The following SLK variants were observed in gnomAD, a reference collection of about 807,000 sequenced individuals.
SLK encodes STE20-like serine/threonine-protein kinase.
A neutral mutation model predicts 147.7 loss-of-function variants in SLK; 67 were observed. That is an observed-to-expected ratio of 0.45 (90% confidence interval 0.37 to 0.56). The LOEUF (loss-of-function observed/expected upper bound fraction) is 0.56. SLK is among the 20% of genes least tolerant of loss of function. The pLI, the probability that SLK is intolerant of heterozygous loss-of-function variation, is 0.00. For synonymous variants in SLK, 441 were observed against 475.0 expected (o/e 0.93, Z 0.93); for missense variants, 1,136 against 1,438.8 (o/e 0.79, Z 3.41).
chr10:104,002,053 T>C (rs1315602408), intron 8 of SLK, 119 bp from the exon 9 acceptor site: 2 of 808,504 alleles, frequency 2.5e-6, no homozygotes, highest in Non-Finnish European at 1.9e-6. Context: ...AATTGTTAAT[T>C]CTTTAAATTC....
intron 1 of SLK, among the ~76,000 whole-genome samples, chr10:103,969,443 T>C (rs1352543469): frequency 6.6e-6 from 1 of 152,260 alleles, no homozygotes; most frequent in Non-Finnish European, 1.5e-5. Flanking sequence ...TTACAATTAA[T>C]ATGTTTATGT....
chr10:103,975,887 CA>C (rs1843863636), intron 1 of SLK, among the ~76,000 whole-genome samples: 1 of 152,060 alleles, frequency 6.6e-6, no homozygotes, highest in South Asian at 2.1e-4. Context: ...CCAGCCTGGG[CA>C]ACATAGGGAG....
At chr10:104,005,416 T>A in intron 9 of SLK, 145 bp from the exon 10 acceptor site, 2 of 671,980 alleles carry the variant, frequency 3.0e-6, no homozygotes, top group South Asian at 2.3e-5. Flanking sequence ...GTCTATTGCT[T>A]TATATTTATA....
At chr10:104,018,702 T>A in intron 14 of SLK, 82 bp from the exon 15 acceptor site, 4 of 1,403,868 alleles carry the variant, frequency 2.8e-6, no homozygotes, top group Non-Finnish European at 3.9e-6. Context: ...TTAGAATACT[T>A]CTATGTAAAT....
intron 1 of SLK, among the ~76,000 whole-genome samples, chr10:103,989,799 ATACTCT>A (rs1946032673): frequency 6.6e-6 from 1 of 152,112 alleles, no homozygotes; most frequent in South Asian, 2.1e-4. Flanking sequence ...AAAACTAAAC[ATACTCT>A]TACGATATGA....
chr10:103,982,200 GTGTTCTGTT>G (rs1407411264), intron 1 of SLK, among the ~76,000 whole-genome samples: 1 of 151,866 alleles, frequency 6.6e-6, no homozygotes, highest in Non-Finnish European at 1.5e-5. Context: ...TTGTCTTTTT[GTGTTCTGTT>G]TTTCATCTTT....
intron 1 of SLK, among the ~76,000 whole-genome samples, chr10:103,969,440 T>C (rs1843764583): frequency 6.6e-6 from 1 of 152,258 alleles, no homozygotes; most frequent in Admixed American, 6.5e-5. Context: ...TTATTACAAT[T>C]AATATGTTTA....
At chr10:104,021,157 G>A (rs1017299619) in intron 17 of SLK, among the ~76,000 whole-genome samples, 1 of 152,206 alleles carries the variant, frequency 6.6e-6, no homozygotes, top group South Asian at 2.1e-4. Context: ...TCAGAGTAGT[G>A]TATAAATGTG....
chr10:104,002,253 A>G lies in SLK; in HGVS notation c.1075A>G (p.Ile359Val). 9 of 1,612,878 alleles carry G rather than the reference A, an allele frequency of 5.6e-6. No individual in the cohort carries two copies. Among genetic ancestry groups the G allele is most frequent in the Non-Finnish European group, 7.6e-6 (9 of 1,179,070 alleles). Residue 359 changes from isoleucine (I) to valine (V), a missense_variant, in exon 9 of 19, where the codon ATT (isoleucine) becomes GTT (valine). Ile to Val is a conservative substitution (Grantham distance 29, BLOSUM62 3). Coordinates refer to ENST00000369755, the MANE Select transcript of SLK (RefSeq NM_014720.4). ...AGATAAACTTTCACAAAATGCTTGTATTTTGGAGTCTGTCTCAGAAAAAAC... is the reference window on the plus strand; with the variant it reads ...AGATAAACTTTCACAAAATGCTTGTGTTTTGGAGTCTGTCTCAGAAAAAAC... ...EEDKLSQNAC[I>V]LESVSEKTER...
Position 103,967,663 on chromosome 10 carries a change from C to T in SLK, c.-83C>T, listed in dbSNP as rs1400937679. On this transcript the variant is annotated 5_prime_UTR_variant, in exon 1 of 19. Coordinates refer to ENST00000369755, the MANE Select transcript of SLK (RefSeq NM_014720.4). ...CGCGCCCGCCGCCGCCAGCCGGGCT[C>T]GCGCGGGAGAGCAGGGAAGAGAAAC... The T allele has an allele frequency of 1.6e-6, 2 of 1,270,612 alleles. No individual in the cohort carries two copies. Among genetic ancestry groups the T allele is most frequent in the East Asian group, 3.0e-5 (1 of 33,244 alleles). The allele number at this position is 1,270,612 out of a possible 1,614,324, so 78.7% of individuals were successfully genotyped here.
chr10:103,988,753 C>G (rs564493302), intron 1 of SLK, among the ~76,000 whole-genome samples: 1 of 151,250 alleles, frequency 6.6e-6, no homozygotes, highest in Non-Finnish European at 1.5e-5. Flanking sequence ...TTGAATCCTT[C>G]TATATATGCC....
chr10:104,011,942 T>C (rs935156573), intron 13 of SLK, among the ~76,000 whole-genome samples: 2 of 152,228 alleles, frequency 1.3e-5, no homozygotes, highest in Non-Finnish European at 2.9e-5. Flanking sequence ...GTCTTTCATA[T>C]GAAGGAAGAT....
At chr10:104,024,764 A>G (rs1844576619) in intron 18 of SLK, among the ~76,000 whole-genome samples, 1 of 152,156 alleles carries the variant, frequency 6.6e-6, no homozygotes, top group African/African-American at 2.4e-5. Context: ...CATAAACTGG[A>G]GGCTGGGGAG....
intron 7 of SLK, among the ~76,000 whole-genome samples, chr10:104,000,757 T>G (rs187319266): frequency 4.0e-4 from 61 of 152,244 alleles, no homozygotes; most frequent in Admixed American, 3.5e-3. Flanking sequence ...GATGGTTACT[T>G]TTTAAGAAGT....
At position 103,967,622 on chromosome 10, in the gene SLK, G is replaced by C. The variant is rs1327876707; in HGVS notation, c.-124G>C. ...CCCGGGACCGCCCGGCCGGAGCTGC[G>C]GGGGCCGAGGGACGCCGCGCCCGCC... On this transcript the variant is annotated 5_prime_UTR_variant, in exon 1 of 19. Coordinates refer to ENST00000369755, the MANE Select transcript of SLK (RefSeq NM_014720.4). 1.5e-5 allele frequency: 10 copies of C among 653,948 alleles called. No individual in the cohort carries two copies. The highest frequency in any genetic ancestry group is 2.1e-5 in the Non-Finnish European group (10 of 469,950). 40.5% of individuals were successfully genotyped at this position (653,948 alleles called of 1,614,324 possible). A position where few individuals can be genotyped will look rare whatever the true frequency, so the allele number is the denominator to read the frequency against.
At chr10:103,995,776 A>G (rs529317837) in intron 4 of SLK, among the ~76,000 whole-genome samples, 2 of 152,194 alleles carry the variant, frequency 1.3e-5, no homozygotes, top group South Asian at 4.1e-4. Flanking sequence ...AGAATATAGT[A>G]TTTCAAGACC....
intron 18 of SLK, 64 bp downstream of exon 18, chr10:104,021,797 T>C (rs1252801537): frequency 1.2e-6 from 1 of 843,806 alleles, no homozygotes; most frequent in East Asian, 2.7e-5. Context: ...AGCTATTGGC[T>C]CTTTACCTAC....
At chr10:104,015,233 C>CT (rs1376595131) in intron 13 of SLK, among the ~76,000 whole-genome samples, 1 of 152,218 alleles carries the variant, frequency 6.6e-6, no homozygotes. Context: ...TTTGCTAACT[C>CT]TAATTGTTAG....
intron 11 of SLK, among the ~76,000 whole-genome samples, chr10:104,007,885 G>A (rs951610729): frequency 2.4e-4 from 36 of 151,996 alleles, no homozygotes; most frequent in African/African-American, 8.0e-4. Context: ...CCAGGAGGCC[G>A]AGGCTGCAGT....
Sources: gnomAD v4.1 joint callset for allele counts (sites outside exome capture counted in the v4.1 genomes callset) on GRCh38, gnomAD v4.1.1 for gene constraint, MANE v1.5 for transcripts, NCBI Gene and HGNC (gene_info 2026-07-23, HGNC 2026-07-21) for gene names.